NOSTRIN: variants seen among roughly 807,000 people sequenced by gnomAD.
The protein encoded by NOSTRIN is BM247 homolog.
In NOSTRIN, 63 loss-of-function variants were observed where a neutral mutation model predicts 59.0. The ratio of observed to expected loss-of-function variants is 1.07; its 90% CI spans 0.87 to 1.32. NOSTRIN has a LOEUF of 1.32. Ranked by LOEUF, NOSTRIN falls within the 40% of genes most tolerant of loss-of-function variation. The probability of loss-of-function intolerance (pLI) is 0.00; values close to 1 mark genes in which losing one functional copy is unlikely to be tolerated. For missense variants in NOSTRIN, 512 were observed against 473.1 expected, an observed-to-expected ratio of 1.08 and a Z score of -0.76; for synonymous variants, 200 against 165.4, an observed-to-expected ratio of 1.21 and a Z score of -1.61.
At position 168,811,631 on chromosome 2, in the gene NOSTRIN, T is replaced by G; in HGVS notation, c.92T>G (p.Val31Gly). ...SQNGENFCKQVTSVLQQRANL... is the reference protein window; with the variant it reads ...SQNGENFCKQGTSVLQQRANL... ...AATGGAGAGAATTTCTGCAAACAGGTCACATCTGTTCTTCAGCAAAGGTAC... is the reference window on the plus strand; with the variant it reads ...AATGGAGAGAATTTCTGCAAACAGGGCACATCTGTTCTTCAGCAAAGGTAC... The change falls in exon 2 of 16, where the codon GTC (valine) becomes GGC (glycine). Residue 31 changes from valine (V) to glycine (G), a missense_variant. Val to Gly is a moderately radical substitution (Grantham distance 109). Transcript: ENST00000317647. The G allele has an allele frequency of 1.2e-6, 1 of 861,636 alleles. No homozygotes were observed. Among genetic ancestry groups the G allele is most frequent in the Non-Finnish European group, 2.0e-6 (1 of 497,706 alleles). The allele number at this position is 861,636 out of a possible 1,614,324, so 53.4% of individuals were successfully genotyped here. A position where few individuals can be genotyped will look rare whatever the true frequency, so the allele number is the denominator to read the frequency against.
chr2:168,858,415 T>C (rs1689246136), intron 12 of NOSTRIN, among the ~76,000 whole-genome samples: 1 of 152,248 alleles, frequency 6.6e-6, no homozygotes. Flanking sequence ...ATGAGGAAAC[T>C]TTTATTTACA....
chr2:168,812,951 C>T (rs1299425034), intron 2 of NOSTRIN, among the ~76,000 whole-genome samples: 3 of 152,232 alleles, frequency 2.0e-5, no homozygotes, highest in Admixed American at 6.5e-5. Flanking sequence ...AAGATATGAG[C>T]GAGCTGAAAC....
At chr2:168,817,659 C>T (rs1267736251) in intron 2 of NOSTRIN, among the ~76,000 whole-genome samples, 1 of 152,188 alleles carries the variant, frequency 6.6e-6, no homozygotes, top group Non-Finnish European at 1.5e-5. Flanking sequence ...CTCTGAAGTT[C>T]TAGAGCTGCC....
At chr2:168,859,984 G>C (rs569716491) in intron 13 of NOSTRIN, among the ~76,000 whole-genome samples, 14 of 152,254 alleles carry the variant, frequency 9.2e-5, no homozygotes, top group Non-Finnish European at 1.8e-4. Context: ...ATAAGATTTT[G>C]TGGTATGTAT....
intron 11 of NOSTRIN, chr2:168,855,865 CAAATT>C (rs1336192380): frequency 2.3e-6 from 1 of 441,858 alleles, no homozygotes; most frequent in African/African-American, 2.1e-5. Context: ...AAAAACCTTT[CAAATT>C]AAATTCTGTA....
intron 10 of NOSTRIN, among the ~76,000 whole-genome samples, chr2:168,854,912 AG>A (rs1688988204): frequency 6.6e-6 from 1 of 152,234 alleles, no homozygotes; most frequent in South Asian, 2.1e-4. Flanking sequence ...CCCAGTACTG[AG>A]CCAACACAGA....
At position 168,831,509 on chromosome 2, in the gene NOSTRIN, T is replaced by A; in HGVS notation, c.380T>A (p.Ile127Asn). 2.3e-6 allele frequency: 2 copies of A among 866,022 alleles called. No homozygotes were observed. The highest frequency in any genetic ancestry group is 4.0e-6 in the Non-Finnish European group (2 of 495,896). 53.6% of individuals were successfully genotyped at this position (866,022 alleles called of 1,614,324 possible). Residue 127 changes from isoleucine to asparagine, a missense_variant, in exon 6 of 16, where the codon ATT becomes AAT. Ile to Asn is a moderately radical substitution (Grantham distance 149, BLOSUM62 -3). Coordinates refer to ENST00000317647, the MANE Select transcript of NOSTRIN (RefSeq NM_001039724.4). Reference sequence around the variant, plus strand: ...GTTGAAAAGACAGCAAATCTTGTCATTAGCAACTGGAATCAGCAAATTAAG... The same window carrying A: ...GTTGAAAAGACAGCAAATCTTGTCAATAGCAACTGGAATCAGCAAATTAAG... ...NEVEKTANLV[I>N]SNWNQQIKAK...
chr2:168,807,589 A>C (rs937433088), intron 1 of NOSTRIN, among the ~76,000 whole-genome samples: 1 of 152,176 alleles, frequency 6.6e-6, no homozygotes, highest in Non-Finnish European at 1.5e-5. Context: ...CTGATCGCTA[A>C]ATTAACAACA....
chr2:168,807,949 C>CT (rs1359289364), intron 1 of NOSTRIN, among the ~76,000 whole-genome samples: 1 of 152,216 alleles, frequency 6.6e-6, no homozygotes, highest in African/African-American at 2.4e-5. Flanking sequence ...CAGCCCCTTA[C>CT]TTTAAGAGGT....
chr2:168,789,644 G>T (rs1252768882), intron 2 of NOSTRIN, among the ~76,000 whole-genome samples: 1 of 152,158 alleles, frequency 6.6e-6, no homozygotes, highest in Non-Finnish European at 1.5e-5. Flanking sequence ...GCCCAGCCCA[G>T]ATTCAAAAAG....
At chr2:168,789,739 T>G (rs889282564) in intron 2 of NOSTRIN, among the ~76,000 whole-genome samples, 21 of 152,162 alleles carry the variant, frequency 1.4e-4, no homozygotes, top group African/African-American at 4.8e-4. Flanking sequence ...TTAGGAAAAG[T>G]AGAAGTTGCT....
chr2:168,833,084 T>A (rs1013936441), intron 6 of NOSTRIN, among the ~76,000 whole-genome samples: 18 of 152,344 alleles, frequency 1.2e-4, no homozygotes, highest in African/African-American at 3.8e-4. Flanking sequence ...GTCATTTTTT[T>A]AAATAAAAGA....
chr2:168,849,291 CT>C (rs1688607550), intron 8 of NOSTRIN, among the ~76,000 whole-genome samples: 1 of 152,196 alleles, frequency 6.6e-6, no homozygotes, highest in African/African-American at 2.4e-5. Flanking sequence ...AGCAACTGAG[CT>C]GGACTTCCCT....
chr2:168,789,370 G>A (rs1331648157), intron 2 of NOSTRIN, among the ~76,000 whole-genome samples: 3 of 152,184 alleles, frequency 2.0e-5, no homozygotes, highest in Non-Finnish European at 4.4e-5. Context: ...CATGGCCGAA[G>A]GCAAAAGGCA....
At chr2:168,840,559 ACAGAT>A (rs1688034266) in intron 7 of NOSTRIN, among the ~76,000 whole-genome samples, 1 of 151,758 alleles carries the variant, frequency 6.6e-6, no homozygotes, top group Admixed American at 6.6e-5. Context: ...AAACAAAAAA[ACAGAT>A]ATGTCCTGTG....
At chr2:168,812,708 A>C (rs1324942519) in intron 2 of NOSTRIN, among the ~76,000 whole-genome samples, 1 of 152,196 alleles carries the variant, frequency 6.6e-6, no homozygotes, top group Non-Finnish European at 1.5e-5. Flanking sequence ...ATACGGGAAG[A>C]GTAAAGTCTG....
At chr2:168,815,708 T>C (rs914806990) in intron 2 of NOSTRIN, among the ~76,000 whole-genome samples, 3 of 152,228 alleles carry the variant, frequency 2.0e-5, no homozygotes, top group Non-Finnish European at 4.4e-5. Context: ...TTAGCTCTCT[T>C]GCATATTGAT....
At chr2:168,827,775 T>C (rs1687134071) in intron 3 of NOSTRIN, among the ~76,000 whole-genome samples, 1 of 151,882 alleles carries the variant, frequency 6.6e-6, no homozygotes, top group African/African-American at 2.4e-5. Context: ...TCGCTGTGTG[T>C]GTTGCACAGG....
At chr2:168,788,576 C>T (rs1685264268) in intron 2 of NOSTRIN, among the ~76,000 whole-genome samples, 1 of 152,108 alleles carries the variant, frequency 6.6e-6, no homozygotes, top group South Asian at 2.1e-4. Context: ...GAGGCCATCC[C>T]TGCAGAGGGG....
Sources: gnomAD v4.1 joint callset for allele counts (sites outside exome capture counted in the v4.1 genomes callset) on GRCh38, gnomAD v4.1.1 for gene constraint, MANE v1.5 for transcripts, NCBI Gene and HGNC (gene_info 2026-07-23, HGNC 2026-07-21) for gene names.